The following ANO4 variants were observed in gnomAD, a reference collection of about 807,000 sequenced individuals.
ANO4 encodes anoctamin-4.
Under a neutral mutation model 141.9 loss-of-function variants are expected in ANO4, and 69 were observed. That is an observed-to-expected ratio of 0.49 (90% CI 0.40 to 0.59). ANO4 has a LOEUF of 0.59. Ranked by LOEUF, ANO4 falls within the 20% of genes least tolerant of loss-of-function variation. The probability of loss-of-function intolerance (pLI) is 0.00; values close to 1 mark genes in which losing one functional copy is unlikely to be tolerated. For synonymous variants in ANO4, 350 were observed against 394.3 expected (o/e 0.89, Z 1.33); for missense variants, 894 against 1,162.2 (o/e 0.77, Z 3.36).
chr12:100,923,538 G>C (rs2041732893), intron 3 of ANO4, among the ~76,000 whole-genome samples: 1 of 152,074 alleles, frequency 6.6e-6, no homozygotes, highest in African/African-American at 2.4e-5. Context: ...GTCTATCATT[G>C]ATGGACATTT....
intron 3 of ANO4, among the ~76,000 whole-genome samples, chr12:100,751,453 G>GA (rs1245054667): frequency 6.6e-6 from 1 of 152,082 alleles, no homozygotes; most frequent in Non-Finnish European, 1.5e-5. Flanking sequence ...AACAGATTGG[G>GA]AAACACCCTC....
At chr12:101,066,520 T>C (rs1566199157) in intron 14 of ANO4, among the ~76,000 whole-genome samples, 1 of 152,164 alleles carries the variant, frequency 6.6e-6, no homozygotes. Flanking sequence ...TAGCTACAAA[T>C]ACAATCAAAG....
At chr12:100,854,282 G>A (rs1270786072) in intron 1 of ANO4, among the ~76,000 whole-genome samples, 1 of 151,974 alleles carries the variant, frequency 6.6e-6, no homozygotes, top group Non-Finnish European at 1.5e-5. Context: ...TGTAATTATG[G>A]TTTCCTTGTC....
chr12:101,110,104 C>T (rs148766542), intron 22 of ANO4, among the ~76,000 whole-genome samples: 2 of 152,050 alleles, frequency 1.3e-5, no homozygotes, highest in Admixed American at 6.6e-5. Flanking sequence ...TTGTCCCTAC[C>T]GTAGCTCTGG....
At chr12:100,924,039 C>T (rs561418549) in intron 3 of ANO4, among the ~76,000 whole-genome samples, 1 of 151,908 alleles carries the variant, frequency 6.6e-6, no homozygotes, top group Non-Finnish European at 1.5e-5. Flanking sequence ...TGGATATTAG[C>T]CCTTTGTCAG....
upstream of ANO4, among the ~76,000 whole-genome samples, chr12:100,793,757 A>G (rs1380413167): frequency 2.6e-5 from 4 of 152,208 alleles, no homozygotes; most frequent in Non-Finnish European, 1.5e-5. Flanking sequence ...CAGAAACTAC[A>G]TCCCTATATA....
chr12:100,915,024 T>C (rs2041273016), intron 2 of ANO4, among the ~76,000 whole-genome samples: 1 of 152,104 alleles, frequency 6.6e-6, no homozygotes, highest in Admixed American at 6.6e-5. Flanking sequence ...TCTTGCTATA[T>C]TGCTCAGGTA....
chr12:100,813,684 C>A (rs2035574530), intron 1 of ANO4, among the ~76,000 whole-genome samples: 1 of 152,168 alleles, frequency 6.6e-6, no homozygotes, highest in African/African-American at 2.4e-5. Context: ...AGGAGAAAAA[C>A]TAGCGATGTA....
chr12:100,775,722 G>A (rs1400931574), intron 3 of ANO4, among the ~76,000 whole-genome samples: 1 of 152,154 alleles, frequency 6.6e-6, no homozygotes, highest in Non-Finnish European at 1.5e-5. Flanking sequence ...GCATTCATGT[G>A]CTTATTAGCA....
intron 7 of ANO4, among the ~76,000 whole-genome samples, chr12:100,975,623 T>A (rs557843992): frequency 6.6e-6 from 1 of 151,954 alleles, no homozygotes; most frequent in South Asian, 2.1e-4. Flanking sequence ...GTATTTTTAG[T>A]AGAGAGAGGG....
intron 22 of ANO4, among the ~76,000 whole-genome samples, chr12:101,102,696 C>G (rs1042555146): frequency 6.6e-6 from 1 of 151,912 alleles, no homozygotes; most frequent in Non-Finnish European, 1.5e-5. Flanking sequence ...GAAATTTCAG[C>G]TTCATTCTTC....
chr12:100,776,941 C>T (rs1192920190), intron 3 of ANO4, among the ~76,000 whole-genome samples: 2 of 152,024 alleles, frequency 1.3e-5, no homozygotes, highest in African/African-American at 2.4e-5. Flanking sequence ...ACATTGCTTA[C>T]CAAATGTCAT....
At chr12:100,826,992 G>A (rs2036380205) in intron 1 of ANO4, among the ~76,000 whole-genome samples, 1 of 151,878 alleles carries the variant, frequency 6.6e-6, no homozygotes, top group South Asian at 2.1e-4. Flanking sequence ...CTTCTAACTG[G>A]CCGTCCTACT....
At chr12:101,064,481 A>T (rs1259900997) in intron 14 of ANO4, among the ~76,000 whole-genome samples, 3 of 152,086 alleles carry the variant, frequency 2.0e-5, no homozygotes, top group East Asian at 3.9e-4. Flanking sequence ...CCACATGGAC[A>T]CGCGGAGGGG....
intron 5 of ANO4, 149 bp from the exon 6 acceptor site, chr12:100,971,157 T>C: frequency 4.3e-6 from 2 of 468,918 alleles, no homozygotes; most frequent in East Asian, 6.3e-5. Flanking sequence ...GTTAAATGAA[T>C]ACTTGCACTT....
chr12:101,066,078 A>C (rs2048572118), intron 14 of ANO4, among the ~76,000 whole-genome samples: 2 of 152,222 alleles, frequency 1.3e-5, no homozygotes, highest in African/African-American at 4.8e-5. Context: ...CATGATAAAA[A>C]CCCTCAAAAA....
At chr12:100,892,142 T>G (rs552407275) in intron 1 of ANO4, among the ~76,000 whole-genome samples, 1 of 152,328 alleles carries the variant, frequency 6.6e-6, no homozygotes, top group African/African-American at 2.4e-5. Context: ...ATTTTCTCTG[T>G]CAATTTTTCC....
intron 3 of ANO4, among the ~76,000 whole-genome samples, chr12:100,934,034 C>T (rs2136146912): frequency 6.6e-6 from 1 of 152,166 alleles, no homozygotes; most frequent in South Asian, 2.1e-4. Flanking sequence ...AATTTTTCTC[C>T]CATTCTGTAG....
At chr12:101,010,490 A>G (rs1423521482) in intron 8 of ANO4, among the ~76,000 whole-genome samples, 1 of 152,134 alleles carries the variant, frequency 6.6e-6, no homozygotes, top group Non-Finnish European at 1.5e-5. Flanking sequence ...TGGCCTGACA[A>G]TCTTCTCATC....
Sources: gnomAD v4.1 joint callset for allele counts (sites outside exome capture counted in the v4.1 genomes callset) on GRCh38, gnomAD v4.1.1 for gene constraint, MANE v1.5 for transcripts, NCBI Gene and HGNC (gene_info 2026-07-23, HGNC 2026-07-21) for gene names.